Variants in XPO6 observed in about 807,000 individuals in gnomAD.
XPO6 encodes the protein exportin-6.
In XPO6, 3 loss-of-function variants were observed where a neutral mutation model predicts 130.0. The observed-to-expected ratio is 0.02, with a 90% CI of 0.01 to 0.06. The LOEUF (loss-of-function observed/expected upper bound fraction) is 0.06, where lower values mean the gene tolerates loss of function less well. Among genes scored for constraint, XPO6 ranks in the 10% least tolerant of loss-of-function variants. The pLI is 1.00. For missense variants in XPO6, 970 were observed against 1,393.0 expected (o/e 0.70, Z 4.83); for synonymous variants, 524 against 548.9 (o/e 0.95, Z 0.63).
rs545556482 is a variant in XPO6 at position 28,105,753 on chromosome 16, T to C, written c.2784+290A>G. On this transcript the variant is annotated intron_variant, in intron 20 of 23. Coordinates refer to ENST00000304658, the MANE Select transcript of XPO6 (RefSeq NM_015171.4). Reference sequence around the variant, plus strand: ...AGTACATATGTTAGAATGTTTGCTATAGAAAACCAGAGTCTCTTAAAGGTA... The same window carrying C: ...AGTACATATGTTAGAATGTTTGCTACAGAAAACCAGAGTCTCTTAAAGGTA... 1.2e-4 allele frequency: 42 copies of C among 345,518 alleles called. 1 individual carries two copies. The highest frequency in any genetic ancestry group is 7.3e-4 in the African/African-American group (36 of 49,590). The allele number at this position is 345,518 out of a possible 1,614,324, so 21.4% of individuals were successfully genotyped here.
chr16:28,198,239 G>GTAAT, intron 1 of XPO6, among the ~76,000 whole-genome samples: 1 of 152,148 alleles, frequency 6.6e-6, no homozygotes, highest in Non-Finnish European at 1.5e-5. Flanking sequence ...CATTTACAGT[G>GTAAT]TAATCTCAAC....
chr16:28,177,183 T>C (rs1395971794), intron 3 of XPO6, 37 bp downstream of exon 3: 1 of 1,447,766 alleles, frequency 6.9e-7, no homozygotes, highest in Non-Finnish European at 9.5e-7. Context: ...AACTACAAAA[T>C]CCTTTTCAGA....
chr16:28,104,817 A>G (rs1466103374), intron 20 of XPO6, 110 bp from the exon 21 acceptor site: 26 of 1,242,580 alleles, frequency 2.1e-5, no homozygotes, highest in Non-Finnish European at 2.8e-5. Flanking sequence ...GCCGAGTGTC[A>G]ACACTCCATC....
chr16:28,132,219 G>T lies in XPO6; in HGVS notation c.1606+115C>A. The T allele has an allele frequency of 1.3e-6, 1 of 785,264 alleles. No individual in the cohort carries two copies. Among genetic ancestry groups the T allele is most frequent in the Non-Finnish European group, 2.1e-6 (1 of 476,000 alleles). The allele number at this position is 785,264 out of a possible 1,614,324, so 48.6% of individuals were successfully genotyped here. ...TGTTTCGAAGTGGGGAGAGATGCCAGTGGGGAGGCTGCAGTGAAGAAATCA... is the reference window on the plus strand; with the variant it reads ...TGTTTCGAAGTGGGGAGAGATGCCATTGGGGAGGCTGCAGTGAAGAAATCA... On this transcript the variant is annotated intron_variant, in intron 12 of 23. Transcript: ENST00000304658. This position sits in a 1 kb window ranked among gnomAD's most constrained non-coding sequence, Gnocchi z 4.0.
chr16:28,171,452 CAAAAAAAA>C (rs36000498), intron 4 of XPO6, among the ~76,000 whole-genome samples: 9 of 99,092 alleles, frequency 9.1e-5, no homozygotes, highest in East Asian at 2.6e-4. Flanking sequence ...GACTCTGTCT[CAAAAAAAA>C]AAAAAAAAAA....
At chr16:28,110,950 A>G (rs1461767127) in intron 17 of XPO6, among the ~76,000 whole-genome samples, 1 of 152,262 alleles carries the variant, frequency 6.6e-6, no homozygotes, top group Non-Finnish European at 1.5e-5. Context: ...ACCATGAAGC[A>G]TATTTTAAAA....
intron 1 of XPO6, among the ~76,000 whole-genome samples, chr16:28,183,035 T>A (rs2043642584): frequency 6.6e-6 from 1 of 152,180 alleles, no homozygotes. Context: ...AAATCATATC[T>A]CTCCATAACT....
chr16:28,141,758 A>G (rs371429290), intron 9 of XPO6, among the ~76,000 whole-genome samples: 8 of 152,224 alleles, frequency 5.3e-5, no homozygotes, highest in Non-Finnish European at 1.0e-4. Context: ...CAGGAGATCG[A>G]GACCACCCTG....
At chr16:28,152,578 G>C in intron 8 of XPO6, 81 bp downstream of exon 8, 1 of 1,505,770 alleles carries the variant, frequency 6.6e-7, no homozygotes, top group Non-Finnish European at 8.9e-7. Context: ...AAATAAAGTT[G>C]AAAGAAAAAG....
intron 10 of XPO6, 117 bp from the exon 11 acceptor site, chr16:28,134,050 T>A: frequency 1.1e-6 from 1 of 943,892 alleles, no homozygotes; most frequent in Non-Finnish European, 1.6e-6. Flanking sequence ...GGAACCAGGT[T>A]ATCTGGTACT....
intron 6 of XPO6, among the ~76,000 whole-genome samples, chr16:28,160,324 T>C (rs1444587156): frequency 6.7e-6 from 1 of 149,976 alleles, no homozygotes; most frequent in African/African-American, 2.5e-5. Flanking sequence ...GCCAAAATGG[T>C]GAAACCCCAT....
intron 1 of XPO6, 64 bp downstream of exon 1, chr16:28,211,302 G>A: frequency 7.7e-7 from 1 of 1,303,872 alleles, no homozygotes; most frequent in Non-Finnish European, 9.8e-7. Context: ...CAGCAGCCCC[G>A]GGGCCCATTC....
At chr16:28,134,289 C>T (rs147637768) in intron 10 of XPO6, among the ~76,000 whole-genome samples, 1 of 152,328 alleles carries the variant, frequency 6.6e-6, no homozygotes, top group East Asian at 1.9e-4. Flanking sequence ...TGACTCAGTG[C>T]CACTCAGAAT....
intron 12 of XPO6, among the ~76,000 whole-genome samples, chr16:28,128,878 T>C (rs1253017889): frequency 1.3e-5 from 2 of 152,198 alleles, no homozygotes; most frequent in Admixed American, 6.5e-5. Context: ...GACAGCATGA[T>C]AGCCCTGGGG....
intron 1 of XPO6, among the ~76,000 whole-genome samples, chr16:28,199,887 T>C (rs1463408577): frequency 2.0e-5 from 3 of 148,636 alleles, no homozygotes; most frequent in African/African-American, 4.9e-5. Context: ...CCGGGCACGG[T>C]GGCTCACTCC....
intron 1 of XPO6, among the ~76,000 whole-genome samples, chr16:28,190,946 T>C (rs1439724381): frequency 1.3e-5 from 2 of 152,134 alleles, no homozygotes. Context: ...TGAGTTTGGG[T>C]AAAGGGTATG....
At chr16:28,196,714 C>T (rs1043408218) in intron 1 of XPO6, among the ~76,000 whole-genome samples, 2 of 152,082 alleles carry the variant, frequency 1.3e-5, no homozygotes, top group African/African-American at 4.8e-5. Context: ...GCAAGGAGTT[C>T]GGGGGGTGAG....
intron 1 of XPO6, among the ~76,000 whole-genome samples, chr16:28,201,477 G>C (rs961890254): frequency 6.6e-6 from 1 of 152,180 alleles, no homozygotes; most frequent in African/African-American, 2.4e-5. Flanking sequence ...CCCAGGCTTG[G>C]AGTGGGAAGG....
At chr16:28,204,313 G>A (rs2043995024) in intron 1 of XPO6, among the ~76,000 whole-genome samples, 1 of 152,068 alleles carries the variant, frequency 6.6e-6, no homozygotes, top group African/African-American at 2.4e-5. Context: ...GGGACTGGAA[G>A]TGCTGAAGTG....
Sources: gnomAD v4.1 joint callset for allele counts (sites outside exome capture counted in the v4.1 genomes callset) on GRCh38, gnomAD v4.1.1 for gene constraint, Gnocchi (gnomAD v3.1) non-coding constraint, MANE v1.5 for transcripts, NCBI Gene and HGNC (gene_info 2026-07-23, HGNC 2026-07-21) for gene names.